GPC5: variants seen among roughly 807,000 people sequenced by gnomAD.
GPC5 encodes glypican-5.
GPC5 carries 47 observed loss-of-function variants against 53.9 expected under a neutral mutation model. The ratio of observed to expected loss-of-function variants is 0.87; its 90% CI spans 0.69 to 1.11. The LOEUF (loss-of-function observed/expected upper bound fraction) is 1.11, where lower values mean the gene tolerates loss of function less well. GPC5 is among the 50% of genes most tolerant of loss of function. GPC5 has a pLI of 0.00. For synonymous variants in GPC5, 286 were observed against 263.3 expected (o/e 1.09, Z -0.84); for missense variants, 748 against 713.1 (o/e 1.05, Z -0.56).
intron 3 of GPC5, among the ~76,000 whole-genome samples, chr13:91,696,742 A>G (rs1278921504): frequency 6.6e-6 from 1 of 152,250 alleles, no homozygotes; most frequent in Non-Finnish European, 1.5e-5. Context: ...TCTGAGAAAA[A>G]TCATAAGTAC....
intron 7 of GPC5, among the ~76,000 whole-genome samples, chr13:92,184,570 G>C (rs999394192): frequency 1.2e-4 from 19 of 152,038 alleles, no homozygotes; most frequent in African/African-American, 3.9e-4. Flanking sequence ...TCACTACCTA[G>C]GAATCCCCAG....
chr13:92,553,607 A>T (rs1169729119), intron 7 of GPC5, among the ~76,000 whole-genome samples: 3 of 151,952 alleles, frequency 2.0e-5, no homozygotes, highest in African/African-American at 7.2e-5. Flanking sequence ...TATGCAGAAT[A>T]TATCGAAGCC....
chr13:92,180,053 A>G (rs2042135738), intron 7 of GPC5, among the ~76,000 whole-genome samples: 1 of 152,192 alleles, frequency 6.6e-6, no homozygotes, highest in South Asian at 2.1e-4. Flanking sequence ...GGTGGAATAA[A>G]CTACTATAAC....
intron 7 of GPC5, among the ~76,000 whole-genome samples, chr13:92,373,553 C>T (rs74107232): frequency 0.027 from 4,083 of 152,256 alleles, 186 homozygotes; most frequent in African/African-American, 0.094. Context: ...TCTTAGGAAG[C>T]TTCATCTTTG....
chr13:92,865,514 A>G (rs1879309702), intron 7 of GPC5, among the ~76,000 whole-genome samples: 1 of 152,062 alleles, frequency 6.6e-6, no homozygotes, highest in Admixed American at 6.6e-5. Context: ...TGGGGAAGGG[A>G]GGGGAGATGG....
intron 7 of GPC5, among the ~76,000 whole-genome samples, chr13:92,609,765 C>T (rs911793068): frequency 4.6e-5 from 7 of 152,104 alleles, no homozygotes; most frequent in Non-Finnish European, 8.8e-5. Flanking sequence ...GGCATGTTGG[C>T]TCACACCTGT....
intron 1 of GPC5, among the ~76,000 whole-genome samples, chr13:91,425,412 C>T (rs1288352556): frequency 6.6e-6 from 1 of 152,106 alleles, no homozygotes; most frequent in African/African-American, 2.4e-5. Context: ...TAGGAAGAGA[C>T]CTGGTGGGAA....
intron 7 of GPC5, among the ~76,000 whole-genome samples, chr13:92,477,574 G>A (rs1790515925): frequency 6.6e-6 from 1 of 152,028 alleles, no homozygotes. Context: ...CATAAAACCG[G>A]GGCATTAGGT....
intron 5 of GPC5, among the ~76,000 whole-genome samples, chr13:91,831,022 A>C (rs1284475117): frequency 3.6e-5 from 5 of 138,258 alleles, no homozygotes; most frequent in Non-Finnish European, 7.6e-5. Context: ...TATATATAAC[A>C]TATATATCCT....
chr13:91,950,253 C>G (rs1426847116), intron 6 of GPC5, among the ~76,000 whole-genome samples: 3 of 145,484 alleles, frequency 2.1e-5, no homozygotes, highest in African/African-American at 5.1e-5. Context: ...CTGAATTTTA[C>G]TAAAACTGCC....
rs140019449 is a variant in GPC5, at chr13:92,196,911, C to T, written c.1561+51922C>T. Among the ~76,000 whole-genome samples, 51 of 152,272 alleles carry T rather than the reference C, an allele frequency of 3.3e-4. No homozygotes were observed. In the Middle Eastern group the frequency reaches 0.014, roughly 41 times the overall value. On this transcript the variant is annotated intron_variant, in intron 7 of 7. Coordinates refer to ENST00000377067, the MANE Select transcript of GPC5 (RefSeq NM_004466.6). The stretch of plus-strand genomic sequence containing the variant: ...GTGTAAAATATTTTATCCTGAATGA[C>T]ATGCTCCTAAGTTAAAATAATATTT...
At chr13:92,512,232 G>GTA (rs1218159508) in intron 7 of GPC5, among the ~76,000 whole-genome samples, 1 of 112,384 alleles carries the variant, frequency 8.9e-6, no homozygotes, top group Non-Finnish European at 2.0e-5. Flanking sequence ...TTTGTAGATT[G>GTA]TATGTGTGTG....
intron 7 of GPC5, among the ~76,000 whole-genome samples, chr13:92,832,687 G>A (rs1030796280): frequency 1.3e-5 from 2 of 152,008 alleles, no homozygotes; most frequent in African/African-American, 4.8e-5. Flanking sequence ...CCCATGGCTT[G>A]GAGGATGCAA....
chr13:91,953,061 A>T (rs1337397645), intron 6 of GPC5, among the ~76,000 whole-genome samples: 1 of 152,204 alleles, frequency 6.6e-6, no homozygotes, highest in Non-Finnish European at 1.5e-5. Context: ...TAAAAGTAAT[A>T]TAATCTTAAA....
At position 92,572,377 on chromosome 13, in the gene GPC5, T is replaced by G. The variant is rs114215831; in HGVS notation, c.1562-293905T>G. On this transcript the variant is annotated intron_variant, in intron 7 of 7. Coordinates refer to ENST00000377067, the MANE Select transcript of GPC5 (RefSeq NM_004466.6). ...TGTCCATTTTTTAACGGTATCACCT[T>G]TTGTTGGGACATTTTGGCCTTTCGC... Among the ~76,000 whole-genome samples, 677 of 152,242 alleles carry G rather than the reference T, an allele frequency of 4.4e-3. 6 individuals are homozygous for G. The highest frequency in any genetic ancestry group is 0.015 in the African/African-American group (629 of 41,538).
At chr13:92,486,261 A>G (rs1043213659) in intron 7 of GPC5, among the ~76,000 whole-genome samples, 2 of 152,176 alleles carry the variant, frequency 1.3e-5, no homozygotes, top group African/African-American at 4.8e-5. Flanking sequence ...CAGTGACAAC[A>G]AAGCTTATTC....
chr13:91,975,228 A>C (rs950927377), intron 6 of GPC5, among the ~76,000 whole-genome samples: 4 of 152,156 alleles, frequency 2.6e-5, no homozygotes, highest in African/African-American at 9.7e-5. Flanking sequence ...TTCATGTCTA[A>C]AACACCAAAA....
chr13:91,870,356 T>A (rs1363949694), intron 5 of GPC5, among the ~76,000 whole-genome samples: 1 of 152,320 alleles, frequency 6.6e-6, no homozygotes, highest in East Asian at 1.9e-4. Context: ...TCCTGAGGGT[T>A]GTCTGCAAGA....
chr13:92,224,588 C>T (rs2042471319), intron 7 of GPC5, among the ~76,000 whole-genome samples: 1 of 152,224 alleles, frequency 6.6e-6, no homozygotes, highest in African/African-American at 2.4e-5. Context: ...ACTACTTGTA[C>T]AAACATTGTG....
Sources: allele counts gnomAD v4.1 joint callset (sites outside exome capture counted in the v4.1 genomes callset), GRCh38; gene constraint gnomAD v4.1.1; transcripts MANE v1.5; gene names NCBI Gene and HGNC (gene_info 2026-07-23, HGNC 2026-07-21).